Variants in PCDHAC1 observed in about 807,000 individuals in gnomAD.
PCDHAC1 encodes the protein protocadherin alpha-C1.
In PCDHAC1, 42 loss-of-function variants were observed where a neutral mutation model predicts 60.0. The observed-to-expected ratio is 0.70, with a 90% CI of 0.55 to 0.90. PCDHAC1 has a LOEUF of 0.90. Among genes scored for constraint, PCDHAC1 ranks in the 40% least tolerant of loss-of-function variants. PCDHAC1 has a pLI of 0.00. For synonymous variants in PCDHAC1, 468 were observed against 499.3 expected (o/e 0.94, Z 0.84); for missense variants, 1,160 against 1,222.3 (o/e 0.95, Z 0.76).
Position 140,929,454 on chromosome 5 carries a change from C to T in PCDHAC1, c.2433+129C>T, listed in dbSNP as rs2086172726. ...AACTAAACACTCCTTCTTAGCACTTCCTGTGCCAAGAAATCTGGAAGTATA... is the reference window on the plus strand; with the variant it reads ...AACTAAACACTCCTTCTTAGCACTTTCTGTGCCAAGAAATCTGGAAGTATA... On this transcript the variant is annotated intron_variant, in intron 1 of 3. Transcript: ENST00000253807. 7 of 1,355,724 alleles carry T rather than the reference C, an allele frequency of 5.2e-6. No individual in the cohort carries two copies. In the Admixed American group the frequency reaches 8.0e-5, roughly 16 times the overall value. The allele number at this position is 1,355,724 out of a possible 1,614,324, so 84.0% of individuals were successfully genotyped here. A position where few individuals can be genotyped will look rare whatever the true frequency, so the allele number is the denominator to read the frequency against.
At chr5:140,990,736 C>G (rs181451094) in intron 3 of PCDHAC1, among the ~76,000 whole-genome samples, 22 of 152,218 alleles carry the variant, frequency 1.4e-4, no homozygotes, top group African/African-American at 5.3e-4. Flanking sequence ...TATCAACAGC[C>G]CTAGGGTGGA....
chr5:140,967,114 C>T (rs782407413), intron 1 of PCDHAC1: 17 of 1,612,932 alleles, frequency 1.1e-5, no homozygotes, highest in Non-Finnish European at 1.4e-5. Flanking sequence ...AGCGGCCTCG[C>T]TGCCTGCTCA....
Position 140,928,068 on chromosome 5 carries a change from C to G in PCDHAC1, c.1176C>G (p.Asp392Glu). The G allele has an allele frequency of 1.2e-6, 2 of 1,614,214 alleles. No homozygotes were observed. Among genetic ancestry groups the G allele is most frequent in the South Asian group, 2.2e-5 (2 of 91,078 alleles). ...AGPFQLTASF[D>E]NYYSLLIDGP... ...CTTTTCAGCTGACGGCTTCCTTTGA[C>G]AACTACTACAGCCTGCTGATTGATG... The change falls in exon 1 of 4, where the codon GAC becomes GAG. Residue 392 changes from aspartate to glutamate, a missense_variant. Transcript: ENST00000253807.
chr5:140,986,195 A>C (rs1200850544), intron 3 of PCDHAC1, among the ~76,000 whole-genome samples: 1 of 152,196 alleles, frequency 6.6e-6, no homozygotes, highest in African/African-American at 2.4e-5. Context: ...TAAATTGGTT[A>C]ATCCTGATTA....
At chr5:140,977,379 C>T (rs921133722) in intron 1 of PCDHAC1, among the ~76,000 whole-genome samples, 4 of 152,134 alleles carry the variant, frequency 2.6e-5, no homozygotes, top group African/African-American at 2.4e-5. Flanking sequence ...AGTCATATTT[C>T]CAGGTTTATA....
rs1179735453 is a variant in PCDHAC1 at position 140,927,600 on chromosome 5, C to T, written c.708C>T (p.Ser236=). The T allele has an allele frequency of 1.9e-6, 3 of 1,614,042 alleles. No homozygotes were observed. Among genetic ancestry groups the T allele is most frequent in the African/African-American group, 1.3e-5 (1 of 74,926 alleles). Reference sequence around the variant, plus strand: ...ACAACGCGCCTGTATTTGAGCGCTCCGTATACCGCACCAAGGTTCCAGAGA... The same window carrying T: ...ACAACGCGCCTGTATTTGAGCGCTCTGTATACCGCACCAAGGTTCCAGAGA... ...TNDNAPVFER[S]VYRTKVPETA... The change falls in exon 1 of 4, where the codon TCC becomes TCT. Residue 236 remains serine (S), a synonymous_variant. Coordinates refer to ENST00000253807, the MANE Select transcript of PCDHAC1 (RefSeq NM_018898.5).
In PCDHAC1 at chr5:140,982,506, C is replaced by T. The variant is rs139355257; in HGVS notation, c.2524C>T (p.Arg842Trp). The change falls in exon 3 of 4, where the codon CGG (arginine) becomes TGG (tryptophan). Residue 842 changes from arginine to tryptophan, a missense_variant. Arg to Trp is a moderately radical substitution (Grantham distance 101). Coordinates refer to ENST00000253807, the MANE Select transcript of PCDHAC1 (RefSeq NM_018898.5). ...GCACCTAGAGGAGGCTGGCATTCTACGGGCTGGTCCAGGAGGGCCTGATCA... is the reference window on the plus strand; with the variant it reads ...GCACCTAGAGGAGGCTGGCATTCTATGGGCTGGTCCAGGAGGGCCTGATCA... The part of the protein sequence containing the change: ...SVHLEEAGIL[R>W]AGPGGPDQQW... The T allele has an allele frequency of 3.5e-5, 57 of 1,614,162 alleles. No individual in the cohort carries two copies. Among genetic ancestry groups the T allele is most frequent in the Middle Eastern group, 3.3e-4 (2 of 6,058 alleles).
intron 3 of PCDHAC1, among the ~76,000 whole-genome samples, chr5:141,005,470 G>T (rs1563690887): frequency 6.6e-6 from 1 of 151,956 alleles, no homozygotes; most frequent in African/African-American, 2.4e-5. Flanking sequence ...TTGGGAGGCC[G>T]AGACGGGCGG....
chr5:141,006,069 C>T (rs1588119997), intron 3 of PCDHAC1, among the ~76,000 whole-genome samples: 1 of 148,482 alleles, frequency 6.7e-6, no homozygotes, highest in African/African-American at 2.5e-5. Flanking sequence ...AAATAAAAAT[C>T]AGATTATTGA....
intron 1 of PCDHAC1, among the ~76,000 whole-genome samples, chr5:140,945,201 T>C (rs1168662297): frequency 2.6e-5 from 4 of 152,054 alleles, no homozygotes; most frequent in Non-Finnish European, 5.9e-5. Flanking sequence ...CTATTTACAA[T>C]AGCTATGAGA....
intron 1 of PCDHAC1, among the ~76,000 whole-genome samples, chr5:140,965,939 C>A (rs1554227944): frequency 6.6e-6 from 1 of 152,188 alleles, no homozygotes; most frequent in Admixed American, 6.5e-5. Flanking sequence ...GGAAAGAGGG[C>A]AGCATTTGCC....
chr5:140,994,272 CT>C (rs1359828811), intron 3 of PCDHAC1, among the ~76,000 whole-genome samples: 4 of 152,168 alleles, frequency 2.6e-5, no homozygotes, highest in African/African-American at 9.7e-5. Flanking sequence ...GCTAGGCTGC[CT>C]TTCTTGAGAC....
rs1405832516 is a variant in PCDHAC1, at chr5:140,926,349, G to A, written c.-544G>A. 1.3e-5 allele frequency: 2 copies of A among 152,260 alleles called. No homozygotes were observed. The highest frequency in any genetic ancestry group is 1.3e-4 in the Admixed American group (2 of 15,294). 9.4% of individuals were successfully genotyped at this position (152,260 alleles called of 1,614,324 possible). A position where few individuals can be genotyped will look rare whatever the true frequency, so the allele number is the denominator to read the frequency against. On this transcript the variant is annotated 5_prime_UTR_variant, in exon 1 of 4. Coordinates refer to ENST00000253807, the MANE Select transcript of PCDHAC1 (RefSeq NM_018898.5). ...GTCAGAGCGCCGGGACCCGACGCGC[G>A]GCTCCCAAAGGGCGGCAGGAAGAGC...
At chr5:140,991,180 C>T (rs2097436577) in intron 3 of PCDHAC1, among the ~76,000 whole-genome samples, 1 of 152,160 alleles carries the variant, frequency 6.6e-6, no homozygotes. Context: ...AAGCAGGATG[C>T]CTAGCACACA....
intron 3 of PCDHAC1, among the ~76,000 whole-genome samples, chr5:140,993,609 T>C (rs1554253871): frequency 6.6e-6 from 1 of 152,078 alleles, no homozygotes; most frequent in African/African-American, 2.4e-5. Flanking sequence ...GAGAATTTTG[T>C]TGGGACCCTC....
chr5:140,955,452 G>A (rs921510611), intron 1 of PCDHAC1, among the ~76,000 whole-genome samples: 1 of 152,024 alleles, frequency 6.6e-6, no homozygotes, highest in African/African-American at 2.4e-5. Flanking sequence ...TTTTATAAGG[G>A]CTTTTTCCTT....
intron 1 of PCDHAC1, among the ~76,000 whole-genome samples, chr5:140,957,571 G>A (rs2095367794): frequency 6.6e-6 from 1 of 152,068 alleles, no homozygotes; most frequent in African/African-American, 2.4e-5. Flanking sequence ...AGGGACTACT[G>A]TACTTTTAAC....
At chr5:140,942,530 T>C (rs963252648) in intron 1 of PCDHAC1, among the ~76,000 whole-genome samples, 5 of 151,374 alleles carry the variant, frequency 3.3e-5, no homozygotes, top group Non-Finnish European at 5.9e-5. Flanking sequence ...AGCAACTAAC[T>C]CAGTATGGTG....
intron 1 of PCDHAC1, among the ~76,000 whole-genome samples, chr5:140,936,452 T>C (rs1447343887): frequency 2.0e-5 from 3 of 152,216 alleles, no homozygotes; most frequent in African/African-American, 7.2e-5. Flanking sequence ...ACCACATCTG[T>C]TTAGTGGTTG....
Sources: allele counts gnomAD v4.1 joint callset (sites outside exome capture counted in the v4.1 genomes callset), GRCh38; gene constraint gnomAD v4.1.1; transcripts MANE v1.5; gene names NCBI Gene and HGNC (gene_info 2026-07-23, HGNC 2026-07-21).